Variants in TBC1D5 observed in about 807,000 individuals in gnomAD.
The protein encoded by TBC1D5 is TBC1 domain family, member 5.
A neutral mutation model predicts 100.3 loss-of-function variants in TBC1D5; 75 were observed. That is an observed-to-expected ratio of 0.75 (90% CI 0.62 to 0.91). The LOEUF (loss-of-function observed/expected upper bound fraction) is 0.91, where lower values mean the gene tolerates loss of function less well. Among genes scored for constraint, TBC1D5 ranks in the 40% least tolerant of loss-of-function variants. The pLI, the probability that TBC1D5 is intolerant of heterozygous loss-of-function variation, is 0.00. For missense variants in TBC1D5, 910 were observed against 942.4 expected, an observed-to-expected ratio of 0.97 and a Z score of 0.45; for synonymous variants, 323 against 325.6, an observed-to-expected ratio of 0.99 and a Z score of 0.09.
At chr3:17,600,508 C>G (rs550952480) in intron 2 of TBC1D5, among the ~76,000 whole-genome samples, 1 of 151,936 alleles carries the variant, frequency 6.6e-6, no homozygotes, top group Non-Finnish European at 1.5e-5. Flanking sequence ...AGATTCCATG[C>G]AAGATTATTA....
At chr3:17,371,159 G>A (rs1350007705) in intron 13 of TBC1D5, among the ~76,000 whole-genome samples, 1 of 151,968 alleles carries the variant, frequency 6.6e-6, no homozygotes, top group African/African-American at 2.4e-5. Context: ...CAGAAGTTAT[G>A]TGGCTGAAGA....
At chr3:17,694,761 T>G (rs960555798) in intron 1 of TBC1D5, among the ~76,000 whole-genome samples, 3 of 151,848 alleles carry the variant, frequency 2.0e-5, no homozygotes, top group Non-Finnish European at 4.4e-5. Context: ...ATAAAGATAC[T>G]CCTCAAGAAG....
chr3:17,688,479 C>G (rs2070648360), intron 1 of TBC1D5, among the ~76,000 whole-genome samples: 1 of 152,118 alleles, frequency 6.6e-6, no homozygotes, highest in African/African-American at 2.4e-5. Context: ...AATCAGCCAC[C>G]TTAGAAAAGT....
At chr3:17,184,464 T>C (rs1427599819) in intron 19 of TBC1D5, 1 of 152,222 alleles carries the variant, frequency 6.6e-6, no homozygotes, top group Non-Finnish European at 1.5e-5. Flanking sequence ...TAAGTAGACA[T>C]TTACAAAGGG....
intron 2 of TBC1D5, among the ~76,000 whole-genome samples, chr3:17,562,871 G>A (rs1272922926): frequency 1.3e-5 from 2 of 152,220 alleles, no homozygotes; most frequent in Non-Finnish European, 2.9e-5. Flanking sequence ...GGAAGATTCT[G>A]AAGTCTATGT....
At chr3:17,202,684 G>A (rs2071612637) in intron 18 of TBC1D5, among the ~76,000 whole-genome samples, 1 of 152,230 alleles carries the variant, frequency 6.6e-6, no homozygotes, top group African/African-American at 2.4e-5. Flanking sequence ...AGTTGCTTCT[G>A]TTCCATCCAT....
chr3:17,310,400 T>A (rs2083886424), intron 13 of TBC1D5, among the ~76,000 whole-genome samples: 1 of 152,076 alleles, frequency 6.6e-6, no homozygotes, highest in South Asian at 2.1e-4. Flanking sequence ...AAATCTTTCA[T>A]ATTGCTTCAC....
intron 3 of TBC1D5, among the ~76,000 whole-genome samples, chr3:17,437,614 G>GGT (rs2094559550): frequency 8.9e-6 from 1 of 112,870 alleles, no homozygotes; most frequent in African/African-American, 3.3e-5. Flanking sequence ...GAGAGACAGA[G>GGT]ACAGAGGTAG....
At chr3:17,560,162 A>G (rs945746087) in intron 2 of TBC1D5, among the ~76,000 whole-genome samples, 5 of 152,198 alleles carry the variant, frequency 3.3e-5, no homozygotes, top group African/African-American at 1.2e-4. Flanking sequence ...CCAACTTAGA[A>G]AAAAATATAG....
chr3:17,264,911 CATG>C (rs1377318365), intron 15 of TBC1D5, among the ~76,000 whole-genome samples: 1 of 152,130 alleles, frequency 6.6e-6, no homozygotes, highest in African/African-American at 2.4e-5. Flanking sequence ...ACCTAAAATT[CATG>C]ATAACAAATA....
intron 13 of TBC1D5, among the ~76,000 whole-genome samples, chr3:17,331,798 G>C (rs1157849761): frequency 1.3e-5 from 2 of 152,230 alleles, no homozygotes; most frequent in African/African-American, 4.8e-5. Context: ...TGGGTGGATA[G>C]AGATGTTAAA....
At chr3:17,489,793 T>C (rs1431519979) in intron 3 of TBC1D5, among the ~76,000 whole-genome samples, 1 of 152,244 alleles carries the variant, frequency 6.6e-6, no homozygotes. Context: ...TTCTTTGCTA[T>C]TGTGAATAGT....
chr3:17,331,861 G>A (rs1405338991), intron 13 of TBC1D5, among the ~76,000 whole-genome samples: 2 of 152,200 alleles, frequency 1.3e-5, no homozygotes, highest in East Asian at 3.9e-4. Context: ...TGACGTGTTT[G>A]AGGAACATCA....
intron 18 of TBC1D5, among the ~76,000 whole-genome samples, chr3:17,208,430 C>T (rs937671032): frequency 6.6e-6 from 1 of 152,226 alleles, no homozygotes; most frequent in Non-Finnish European, 1.5e-5. Context: ...TCTGACAGAT[C>T]ATAGGGACAA....
chr3:17,628,034 T>C (rs2063200014), intron 1 of TBC1D5, among the ~76,000 whole-genome samples: 2 of 151,938 alleles, frequency 1.3e-5, no homozygotes, highest in Non-Finnish European at 2.9e-5. Context: ...AATATTACAA[T>C]GAGAAAAAAA....
chr3:17,452,175 A>T (rs1159536145), intron 3 of TBC1D5, among the ~76,000 whole-genome samples: 1 of 152,202 alleles, frequency 6.6e-6, no homozygotes, highest in Non-Finnish European at 1.5e-5. Flanking sequence ...TACACAAAAA[A>T]ATAAAAAGCA....
At chr3:17,614,093 T>C (rs2061913751) in intron 2 of TBC1D5, among the ~76,000 whole-genome samples, 1 of 152,244 alleles carries the variant, frequency 6.6e-6, no homozygotes, top group South Asian at 2.1e-4. Flanking sequence ...CAGTTTCAGC[T>C]TTACACATAT....
intron 18 of TBC1D5, among the ~76,000 whole-genome samples, chr3:17,198,026 G>C (rs1342102543): frequency 6.6e-6 from 1 of 152,138 alleles, no homozygotes; most frequent in Admixed American, 6.5e-5. Flanking sequence ...GACAGCATGA[G>C]TCCCTGTCTC....
intron 2 of TBC1D5, among the ~76,000 whole-genome samples, chr3:17,530,501 TTC>T (rs1194312674): frequency 5.9e-5 from 9 of 152,156 alleles, no homozygotes; most frequent in Non-Finnish European, 1.0e-4. Context: ...ACTTAACCCT[TTC>T]TCTCACAGAC....
Sources: allele counts gnomAD v4.1 joint callset (sites outside exome capture counted in the v4.1 genomes callset), GRCh38; gene constraint gnomAD v4.1.1; transcripts MANE v1.5; gene names NCBI Gene and HGNC (gene_info 2026-07-23, HGNC 2026-07-21).